The following DNASE1L2 variants were observed in gnomAD, a reference collection of about 807,000 sequenced individuals.
The protein encoded by DNASE1L2 is deoxyribonuclease-1-like 2.
Under a neutral mutation model 31.8 loss-of-function variants are expected in DNASE1L2, and 35 were observed. The observed-to-expected ratio is 1.10, with a 90% CI of 0.84 to 1.46. The LOEUF is 1.46. DNASE1L2 is among the 40% of genes most tolerant of loss of function. The pLI is 0.00. For synonymous variants in DNASE1L2, 211 were observed against 186.5 expected, an observed-to-expected ratio of 1.13 and a Z score of -1.07; for missense variants, 504 against 418.8, an observed-to-expected ratio of 1.20 and a Z score of -1.77.
chr16:2,238,578 C>A lies in DNASE1L2; in HGVS notation c.*160C>A. 1 of 809,642 alleles carries A rather than the reference C, an allele frequency of 1.2e-6. No individual in the cohort carries two copies. Among genetic ancestry groups the A allele is most frequent in the Non-Finnish European group, 2.0e-6 (1 of 499,604 alleles). 50.2% of individuals were successfully genotyped at this position (809,642 alleles called of 1,614,324 possible). A position where few individuals can be genotyped will look rare whatever the true frequency, so the allele number is the denominator to read the frequency against. On this transcript the variant is annotated 3_prime_UTR_variant, in exon 7 of 7. Coordinates refer to ENST00000320700, the MANE Select transcript of DNASE1L2 (RefSeq NM_001374.3). ...TGGACACGTGATGTGCTGCTCTGTA[C>A]CTCCGTTCCCCATCTGTGGGACGGG...
rs934896038 is a variant in DNASE1L2, at chr16:2,238,496, C to T, written c.*78C>T. 19 of 1,576,394 alleles carry T rather than the reference C, an allele frequency of 1.2e-5. No individual in the cohort carries two copies. The African/African-American group carries it at 2.2e-4, about 18-fold the overall frequency. On this transcript the variant is annotated 3_prime_UTR_variant, in exon 7 of 7. Coordinates refer to ENST00000320700, the MANE Select transcript of DNASE1L2 (RefSeq NM_001374.3). The stretch of plus-strand genomic sequence containing the variant: ...CCCAACAGTGGCCCCTTCAGGGTGG[C>T]AGCCACCCTTCAGTGAGGCCCCAAG...
In DNASE1L2 at chr16:2,238,393, A is replaced by T. The variant is rs984661641; in HGVS notation, c.875A>T (p.Glu292Val). ...ALAISDHFPV[E>V]VTLKFHR The stretch of plus-strand genomic sequence containing the variant: ...GCCATCAGCGACCACTTTCCAGTGG[A>T]GGTGACCCTCAAGTTCCACCGATGA... Residue 292 changes from glutamate to valine, a missense_variant, in exon 7 of 7, where the codon GAG becomes GTG. Physicochemically the swap from Glu to Val is moderately radical, Grantham distance 121. Coordinates refer to ENST00000320700, the MANE Select transcript of DNASE1L2 (RefSeq NM_001374.3). 1 of 1,613,384 alleles carries T rather than the reference A, an allele frequency of 6.2e-7. No individual in the cohort carries two copies. Among genetic ancestry groups the T allele is most frequent in the Non-Finnish European group, 8.5e-7 (1 of 1,179,960 alleles).
At position 2,237,207 on chromosome 16, in the gene DNASE1L2, T is replaced by C. The variant is rs1313654596; in HGVS notation, c.234-11T>C. Reference sequence around the variant, plus strand: ...GGCGCCCCGACCCTGAGCGGGCCCCTGTCTCCGCAGCGTGTCCGAGCACGA... The same window carrying C: ...GGCGCCCCGACCCTGAGCGGGCCCCCGTCTCCGCAGCGTGTCCGAGCACGA... On this transcript the variant is annotated splice_polypyrimidine_tract_variant and intron_variant, in intron 3 of 6. Coordinates refer to ENST00000320700, the MANE Select transcript of DNASE1L2 (RefSeq NM_001374.3). 9.6e-6 allele frequency: 15 copies of C among 1,563,364 alleles called. No individual in the cohort carries two copies. The South Asian group carries it at 1.5e-4, about 16-fold the overall frequency.
rs1470129194 is a variant in DNASE1L2, at chr16:2,237,027, C to T, written c.145-11C>T. On this transcript the variant is annotated splice_polypyrimidine_tract_variant and intron_variant, in intron 2 of 6. Transcript: ENST00000320700. ...ACCGCGCTGACCCCCGCACCCGCCG[C>T]TCCTCCCCAGATCCTGGCTGGCTAT... 4 of 1,548,556 alleles carry T rather than the reference C, an allele frequency of 2.6e-6. No individual in the cohort carries two copies. Among genetic ancestry groups the T allele is most frequent in the Non-Finnish European group, 2.6e-6 (3 of 1,146,690 alleles).
Position 2,238,457 on chromosome 16 carries a change from G to C in DNASE1L2, c.*39G>C, listed in dbSNP as rs564410995. 6.2e-7 allele frequency: 1 copy of C among 1,612,314 alleles called. No homozygotes were observed. The highest frequency in any genetic ancestry group is 1.3e-5 in the African/African-American group (1 of 74,918). On this transcript the variant is annotated 3_prime_UTR_variant, in exon 7 of 7. Coordinates refer to ENST00000320700, the MANE Select transcript of DNASE1L2 (RefSeq NM_001374.3). ...TGGGGCATGCCACCTGCAGACCCTGGCTCTGAGGAATGGCCCAACAGTGGC... is the reference window on the plus strand; with the variant it reads ...TGGGGCATGCCACCTGCAGACCCTGCCTCTGAGGAATGGCCCAACAGTGGC...
At position 2,237,794 on chromosome 16, in the gene DNASE1L2, G is replaced by A; in HGVS notation, c.619G>A (p.Ala207Thr). ...CATGCTGTTCCTGGGCGACTTCAAC[G>A]CCGACTGCAGCTATGTGCGGGCGCA... The part of the protein sequence containing the change: ...DDMLFLGDFN[A>T]DCSYVRAQDW... Residue 207 changes from alanine to threonine, a missense_variant, in exon 6 of 7, where the codon GCC (alanine) becomes ACC (threonine). By Grantham distance (58) the Ala-to-Thr change is moderately conservative (BLOSUM62 0). Transcript: ENST00000320700. The A allele has an allele frequency of 6.2e-7, 1 of 1,609,010 alleles. No homozygotes were observed. Among genetic ancestry groups the A allele is most frequent in the Non-Finnish European group, 8.5e-7 (1 of 1,178,450 alleles).
In DNASE1L2 at chr16:2,238,235, T is replaced by C; in HGVS notation, c.844-127T>C. On this transcript the variant is annotated intron_variant, in intron 6 of 6. Transcript: ENST00000320700. ...CCTCAAAGGGCCAGTGGTGACACCC[T>C]CTGCCCCGGCCCCTGCCCCTGCCCC... 3 of 1,457,554 alleles carry C rather than the reference T, an allele frequency of 2.1e-6. No individual in the cohort carries two copies. In the African/African-American group the frequency reaches 4.3e-5, roughly 21 times the overall value. 90.3% of individuals were successfully genotyped at this position (1,457,554 alleles called of 1,614,324 possible).
In DNASE1L2 at chr16:2,238,527, G is replaced by T; in HGVS notation, c.*109G>T. The T allele has an allele frequency of 7.2e-7, 1 of 1,380,874 alleles. No individual in the cohort carries two copies. Among genetic ancestry groups the T allele is most frequent in the Non-Finnish European group, 1.0e-6 (1 of 978,348 alleles). 85.5% of individuals were successfully genotyped at this position (1,380,874 alleles called of 1,614,324 possible). Reference sequence around the variant, plus strand: ...CCCTTCAGTGAGGCCCCAAGGCAGAGTCGGCTGGGCGTGGACCAGGGGCCA... The same window carrying T: ...CCCTTCAGTGAGGCCCCAAGGCAGATTCGGCTGGGCGTGGACCAGGGGCCA... On this transcript the variant is annotated 3_prime_UTR_variant, in exon 7 of 7. Coordinates refer to ENST00000320700, the MANE Select transcript of DNASE1L2 (RefSeq NM_001374.3).
rs776798360 is a variant in DNASE1L2, at chr16:2,237,418, C to A, written c.360C>A (p.Asp120Glu). 1 of 1,599,980 alleles carries A rather than the reference C, an allele frequency of 6.3e-7. No homozygotes were observed. The highest frequency in any genetic ancestry group is 2.3e-5 in the East Asian group (1 of 44,418). Residue 120 changes from aspartate to glutamate, a missense_variant, in exon 5 of 7, where the codon GAC (aspartate) becomes GAA (glutamate). Transcript: ENST00000320700. ...VSVVDTYLYP[D>E]PEDVFSREPF... ...TCGTGGACACCTACCTGTACCCAGA[C>A]CCCGAGGACGTCTTCAGCCGCGAGC...
At position 2,238,470 on chromosome 16, in the gene DNASE1L2, G is replaced by C; in HGVS notation, c.*52G>C. The C allele has an allele frequency of 6.2e-7, 1 of 1,609,082 alleles. No individual in the cohort carries two copies. Among genetic ancestry groups the C allele is most frequent in the Non-Finnish European group, 8.5e-7 (1 of 1,176,806 alleles). On this transcript the variant is annotated 3_prime_UTR_variant, in exon 7 of 7. Coordinates refer to ENST00000320700, the MANE Select transcript of DNASE1L2 (RefSeq NM_001374.3). ...CTGCAGACCCTGGCTCTGAGGAATG[G>C]CCCAACAGTGGCCCCTTCAGGGTGG...
chr16:2,236,527 C>G lies in DNASE1L2; in HGVS notation c.-73C>G. On this transcript the variant is annotated 5_prime_UTR_variant, in exon 1 of 7. In the 5' UTR this introduces an upstream ATG that the reference lacks. Coordinates refer to ENST00000320700, the MANE Select transcript of DNASE1L2 (RefSeq NM_001374.3). ...CCCGGGATCCCCATCCCCCTAGGAT[C>G]TCTGAGCCTCGGGCCTCTGCACCCA... is the stretch of plus-strand genomic sequence containing the variant. The G allele has an allele frequency of 2.5e-6, 3 of 1,217,786 alleles. No individual in the cohort carries two copies. Among genetic ancestry groups the G allele is most frequent in the Middle Eastern group, 3.2e-4 (1 of 3,134 alleles). 75.4% of individuals were successfully genotyped at this position (1,217,786 alleles called of 1,614,324 possible).
chr16:2,238,231 A>C (rs2093518869), intron 6 of DNASE1L2, 131 bp from the exon 7 acceptor site: 1 of 1,436,756 alleles, frequency 7.0e-7, no homozygotes, highest in African/African-American at 1.5e-5. Context: ...CAGTGGTGAC[A>C]CCCTCTGCCC....
Position 2,237,920 on chromosome 16 carries a change from C to G in DNASE1L2, c.745C>G (p.Arg249Gly). The G allele has an allele frequency of 1.2e-6, 2 of 1,611,438 alleles. No individual in the cohort carries two copies. Among genetic ancestry groups the G allele is most frequent in the East Asian group, 2.2e-5 (1 of 44,786 alleles). ...TVGNSDCAYDRIVACGARLRR... is the reference protein window; with the variant it reads ...TVGNSDCAYDGIVACGARLRR... ...GGGCAACTCAGACTGCGCCTACGAC[C>G]GCATTGTGGCCTGTGGCGCCCGCCT... The change falls in exon 6 of 7, where the codon CGC becomes GGC. Residue 249 changes from arginine (R) to glycine (G), a missense_variant. Arg to Gly is a moderately radical substitution (Grantham distance 125). Coordinates refer to ENST00000320700, the MANE Select transcript of DNASE1L2 (RefSeq NM_001374.3).
At chr16:2,236,716 C>T (rs1427961476) in intron 1 of DNASE1L2, 62 bp from the exon 2 acceptor site, 3 of 1,437,560 alleles carry the variant, frequency 2.1e-6, no homozygotes, top group East Asian at 2.5e-5. Flanking sequence ...TCGCACTGGC[C>T]GTCAAGGGGC....
At chr16:2,238,243 GGCCCCTGCCCCT>G in intron 6 of DNASE1L2, 107 bp from the exon 7 acceptor site, 1 of 1,481,558 alleles carries the variant, frequency 6.7e-7, no homozygotes, top group Non-Finnish European at 9.3e-7. Context: ...CCTCTGCCCC[GGCCCCTGCCCCT>G]GCCCCACCGC....
rs778634587 is a variant in DNASE1L2, at chr16:2,237,469, C to T, written c.411C>T (p.Pro137=). The T allele has an allele frequency of 2.5e-6, 4 of 1,579,838 alleles. No individual in the cohort carries two copies. The Admixed American group carries it at 5.3e-5, about 21-fold the overall frequency. Residue 137 remains proline, a synonymous_variant, in exon 5 of 7, where the codon CCC becomes CCT. Coordinates refer to ENST00000320700, the MANE Select transcript of DNASE1L2 (RefSeq NM_001374.3). ...CCTTCGTGGTCAAGTTCTCGGCCCC[C>T]GGCACCGGTGAGCGGGCCCCGCCCC... ...REPFVVKFSA[P]GTGERAPPLP...
intron 4 of DNASE1L2, 33 bp downstream of exon 4, chr16:2,237,334 G>C (rs765783126): frequency 1.6e-4 from 262 of 1,594,070 alleles, no homozygotes; most frequent in Non-Finnish European, 2.1e-4. Context: ...GGGCGCGCGG[G>C]GCCGCAGGTC....
chr16:2,236,914 G>C lies in DNASE1L2; in HGVS notation c.98G>C (p.Gly33Ala). The change falls in exon 2 of 7, where the codon GGT becomes GCT. Residue 33 changes from glycine to alanine, a missense_variant. Physicochemically the swap from Gly to Ala is moderately conservative, Grantham distance 60. Transcript: ENST00000320700. ...RIGAFNIQSF[G>A]DSKVSDPACG... is the part of the protein sequence containing the mutation. ...GGAGCCTTCAACATTCAGAGCTTCG[G>C]TGACAGCAAAGTGTCGGACCCCGCT... is the stretch of plus-strand genomic sequence containing the variant. 1.3e-6 allele frequency: 2 copies of C among 1,587,434 alleles called. No individual in the cohort carries two copies. The highest frequency in any genetic ancestry group is 8.6e-7 in the Non-Finnish European group (1 of 1,167,196).
chr16:2,237,681 C>T (rs1465829284), intron 5 of DNASE1L2, 32 bp downstream of exon 5: 1 of 1,588,812 alleles, frequency 6.3e-7, no homozygotes, highest in East Asian at 2.3e-5. Flanking sequence ...GGGGTCCCTG[C>T]AGGCGCGCCC....
Sources: gnomAD v4.1 joint callset for allele counts on GRCh38, gnomAD v4.1.1 for gene constraint, MANE v1.5 for transcripts, NCBI Gene and HGNC (gene_info 2026-07-23, HGNC 2026-07-21) for gene names.